SLC46A2: variants seen among roughly 807,000 people sequenced by gnomAD.
The protein encoded by SLC46A2 is thymic stromal co-transporter.
A neutral mutation model predicts 33.1 loss-of-function variants in SLC46A2; 25 were observed. The ratio of observed to expected loss-of-function variants is 0.76; its 90% CI spans 0.55 to 1.06. SLC46A2 has a LOEUF of 1.06. Among genes scored for constraint, SLC46A2 ranks in the 50% least tolerant of loss-of-function variants. The pLI is 0.00. For synonymous variants in SLC46A2, 254 were observed against 275.9 expected (o/e 0.92, Z 0.79); for missense variants, 622 against 621.7 (o/e 1.00, Z 0.00).
chr9:112,888,530 A>T (rs1318882721), intron 1 of SLC46A2, among the ~76,000 whole-genome samples: 13 of 152,246 alleles, frequency 8.5e-5, no homozygotes, highest in Admixed American at 8.5e-4. Flanking sequence ...ATACAATGAC[A>T]TAAAATTTAA....
intron 3 of SLC46A2, chr9:112,885,171 G>A (rs557117321): frequency 1.3e-5 from 2 of 152,240 alleles, no homozygotes; most frequent in Admixed American, 1.3e-4. Context: ...ATAATGCAAA[G>A]AGCCCTAATG....
At chr9:112,888,232 G>A (rs1036412807) in intron 1 of SLC46A2, among the ~76,000 whole-genome samples, 4 of 152,068 alleles carry the variant, frequency 2.6e-5, no homozygotes, top group South Asian at 2.1e-4. Context: ...AGCCGAGATC[G>A]TACCATCGCA....
At chr9:112,882,573 ACT>A (rs772839023) in intron 3 of SLC46A2, among the ~76,000 whole-genome samples, 15 of 152,196 alleles carry the variant, frequency 9.9e-5, no homozygotes, top group Non-Finnish European at 1.9e-4. Context: ...TCAGAGGCTA[ACT>A]CAGTCATCCA....
intron 1 of SLC46A2, 36 bp downstream of exon 1, chr9:112,889,517 A>C: frequency 1.9e-6 from 3 of 1,567,254 alleles, no homozygotes; most frequent in Non-Finnish European, 2.6e-6. Context: ...GCAGAGGGCT[A>C]GCAATGTCCT....
chr9:112,885,392 T>TA, intron 3 of SLC46A2: 1 of 151,552 alleles, frequency 6.6e-6, no homozygotes, highest in East Asian at 1.9e-4. Flanking sequence ...CAAATCTATA[T>TA]CAAATCCTGT....
chr9:112,884,392 G>A (rs1379333387), intron 3 of SLC46A2, among the ~76,000 whole-genome samples: 1 of 152,316 alleles, frequency 6.6e-6, no homozygotes, highest in African/African-American at 2.4e-5. Context: ...TGCTCTCCCT[G>A]AAGATTGATG....
At chr9:112,882,217 G>A (rs141279423) in intron 3 of SLC46A2, among the ~76,000 whole-genome samples, 97 of 152,116 alleles carry the variant, frequency 6.4e-4, no homozygotes, top group South Asian at 1.5e-3. Flanking sequence ...AGCAATCCTC[G>A]CACATCAGCC....
chr9:112,887,938 TGTGTGTGTGA>T (rs1230046073), intron 1 of SLC46A2, among the ~76,000 whole-genome samples: 2 of 143,862 alleles, frequency 1.4e-5, no homozygotes, highest in Non-Finnish European at 3.0e-5. Context: ...TGTGTGTGTG[TGTGTGTGTGA>T]GAGAGAGAGA....
Position 112,889,783 on chromosome 9 carries a change from G to T in SLC46A2, c.899C>A (p.Thr300Lys), listed in dbSNP as rs370687401. Reference sequence around the variant, plus strand: ...CACAAAAAGAGGGATCACGTCCACTGTGCCCACCACCGCCAGGTCATATAT... The same window carrying T: ...CACAAAAAGAGGGATCACGTCCACTTTGCCCACCACCGCCAGGTCATATAT... ...AIIYDLAVVG[T>K]VDVIPLFVLR... The change falls in exon 1 of 4, where the codon ACA becomes AAA. Residue 300 changes from threonine (T) to lysine (K), a missense_variant. Physicochemically the swap from Thr to Lys is moderately conservative, Grantham distance 78 (BLOSUM62 -1). Transcript: ENST00000374228. 7.4e-6 allele frequency: 12 copies of T among 1,614,150 alleles called. No homozygotes were observed. The highest frequency in any genetic ancestry group is 1.0e-5 in the Non-Finnish European group (12 of 1,180,030).
chr9:112,886,181 T>C (rs1433064978), intron 3 of SLC46A2, among the ~76,000 whole-genome samples: 1 of 152,172 alleles, frequency 6.6e-6, no homozygotes, highest in Non-Finnish European at 1.5e-5. Flanking sequence ...TAAGGAAGTA[T>C]ACGGAACTCA....
chr9:112,887,946 TGAGA>T (rs59654891), intron 1 of SLC46A2, among the ~76,000 whole-genome samples: 1,723 of 139,338 alleles, frequency 0.012, 34 homozygotes, highest in African/African-American at 0.045. Context: ...TGTGTGTGTG[TGAGA>T]GAGAGAGAGA....
At position 112,890,344 on chromosome 9, in the gene SLC46A2, A is replaced by G. The variant is rs1209388899; in HGVS notation, c.338T>C (p.Leu113Pro). The G allele has an allele frequency of 3.1e-6, 5 of 1,613,876 alleles. No individual in the cohort carries two copies. The highest frequency in any genetic ancestry group is 1.7e-5 in the Admixed American group (1 of 60,008). The change falls in exon 1 of 4, where the codon CTG (leucine) becomes CCG (proline). Residue 113 changes from leucine to proline, a missense_variant. Coordinates refer to ENST00000374228, the MANE Select transcript of SLC46A2 (RefSeq NM_033051.4). This position sits in a 1 kb window ranked among gnomAD's most constrained non-coding sequence, Gnocchi z 6.0. ...YHRKISICMS[L>P]LGFLLSRLGL... The stretch of plus-strand genomic sequence containing the variant: ...GAGGCGGGAGAGCAGGAAGCCCAGC[A>G]GCGACATGCAGATGGAGATCTTTCG...
intron 3 of SLC46A2, among the ~76,000 whole-genome samples, chr9:112,883,073 G>T (rs902869536): frequency 5.9e-5 from 9 of 152,198 alleles, no homozygotes; most frequent in Non-Finnish European, 1.0e-4. Flanking sequence ...CAGGTCAACG[G>T]ATGCAGCTAA....
At chr9:112,887,475 A>T (rs149586354) in intron 1 of SLC46A2, 62 bp from the exon 2 acceptor site, 2 of 1,458,626 alleles carry the variant, frequency 1.4e-6, no homozygotes, top group African/African-American at 2.9e-5. Flanking sequence ...GGAGGAAATT[A>T]TCAAAAGCCT....
chr9:112,887,193 G>T, intron 2 of SLC46A2, 137 bp downstream of exon 2: 1 of 738,564 alleles, frequency 1.4e-6, no homozygotes, highest in South Asian at 1.8e-5. Context: ...TGCCCTGGAT[G>T]GAAACCAGTG....
intron 3 of SLC46A2, among the ~76,000 whole-genome samples, chr9:112,882,325 TC>T (rs1197287138): frequency 6.6e-6 from 1 of 152,182 alleles, no homozygotes; most frequent in Admixed American, 6.5e-5. Flanking sequence ...CAGGCTGGTC[TC>T]AAGCTTCTAA....
In SLC46A2 at chr9:112,890,765, G is replaced by C. The variant is rs1827219899; in HGVS notation, c.-84C>G. Reference sequence around the variant, plus strand: ...CAAATTCGGCTGCTACGGCTGCTCAGGTTTCAGTCCCGGAGCGCGAGTGTG... The same window carrying C: ...CAAATTCGGCTGCTACGGCTGCTCACGTTTCAGTCCCGGAGCGCGAGTGTG... On this transcript the variant is annotated 5_prime_UTR_variant, in exon 1 of 4. Transcript: ENST00000374228. This position sits in a 1 kb window ranked among gnomAD's most constrained non-coding sequence, Gnocchi z 6.0. 9.0e-6 allele frequency: 13 copies of C among 1,450,164 alleles called. No homozygotes were observed. Among genetic ancestry groups the C allele is most frequent in the Non-Finnish European group, 1.2e-5 (13 of 1,090,238 alleles). 89.8% of individuals were successfully genotyped at this position (1,450,164 alleles called of 1,614,324 possible). A position where few individuals can be genotyped will look rare whatever the true frequency, so the allele number is the denominator to read the frequency against.
chr9:112,884,939 G>C (rs1300697678), intron 3 of SLC46A2, among the ~76,000 whole-genome samples: 1 of 152,162 alleles, frequency 6.6e-6, no homozygotes, highest in Admixed American at 6.6e-5. Flanking sequence ...CAGAGGCTGG[G>C]ACTCCTGAGG....
At chr9:112,880,048 G>A (rs1009639570) in intron 3 of SLC46A2, 17 of 428,472 alleles carry the variant, frequency 4.0e-5, no homozygotes, top group Admixed American at 1.4e-4. Flanking sequence ...GAATCTCTGG[G>A]GGCCAGGCAT....
Sources: allele counts gnomAD v4.1 joint callset (sites outside exome capture counted in the v4.1 genomes callset), GRCh38; gene constraint gnomAD v4.1.1; non-coding constraint Gnocchi (gnomAD v3.1); transcripts MANE v1.5; gene names NCBI Gene and HGNC (gene_info 2026-07-23, HGNC 2026-07-21).